Variants in HTT observed in about 807,000 individuals in gnomAD.
HTT encodes huntingtin, also known as huntington disease protein.
In HTT, 104 loss-of-function variants were observed where a neutral mutation model predicts 362.3. That is an observed-to-expected ratio of 0.29 (90% confidence interval 0.24 to 0.34). The LOEUF (loss-of-function observed/expected upper bound fraction) is 0.34. Among genes scored for constraint, HTT ranks in the 10% least tolerant of loss-of-function variants. The probability of loss-of-function intolerance (pLI) is 1.00; values close to 1 mark genes in which losing one functional copy is unlikely to be tolerated. For synonymous variants in HTT, 1,577 were observed against 1,548.7 expected (o/e 1.02, Z -0.43); for missense variants, 3,301 against 3,928.6 (o/e 0.84, Z 4.27).
chr4:3,190,122 T>C (rs1322610502), intron 40 of HTT, among the ~76,000 whole-genome samples: 2 of 152,040 alleles, frequency 1.3e-5, no homozygotes, highest in Non-Finnish European at 2.9e-5. Flanking sequence ...GGTAAAAGGA[T>C]CACTTGAAGC....
chr4:3,123,935 C>T (rs1715407764), intron 10 of HTT, among the ~76,000 whole-genome samples: 1 of 152,188 alleles, frequency 6.6e-6, no homozygotes, highest in Admixed American at 6.5e-5. Flanking sequence ...TCTTAAAAGA[C>T]TGATCCTTTT....
At chr4:3,154,791 C>A (rs996683271) in intron 27 of HTT, among the ~76,000 whole-genome samples, 1 of 152,210 alleles carries the variant, frequency 6.6e-6, no homozygotes, top group African/African-American at 2.4e-5. Flanking sequence ...AGTGAAAAAA[C>A]TGATTCTGAT....
rs573397591 is a variant in HTT, at chr4:3,214,095, C to T, written c.6912C>T (p.Ala2304=). Residue 2304 remains alanine, a synonymous_variant, in exon 50 of 67, where the codon GCC becomes GCT. Transcript: ENST00000355072. The part of the protein sequence containing the change: ...VVSSTEFVTH[A]CSLIYCVHFI... ...CCTCCACAGAGTTTGTGACCCACGC[C>T]TGCTCCCTCATCTACTGTGTGCACT... is the stretch of plus-strand genomic sequence containing the variant. 437 of 1,593,544 alleles carry T rather than the reference C, an allele frequency of 2.7e-4. 1 individual carries two copies. The South Asian group carries it at 3.9e-3, about 14-fold the overall frequency.
chr4:3,222,452 C>A lies in HTT; in HGVS notation c.7435C>A (p.Pro2479Thr), dbSNP rs1720721308. The change falls in exon 54 of 67, where the codon CCC (proline) becomes ACC (threonine). Residue 2479 changes from proline to threonine, a missense_variant. Pro to Thr is a conservative substitution (Grantham distance 38, BLOSUM62 -1). Coordinates refer to ENST00000355072, the MANE Select transcript of HTT (RefSeq NM_001388492.1). ...CCTCCTTGGTGTCCTGGTGACGCAG[C>A]CCCTCGTGATGGAGCAGGAGGAGAG... Reference protein sequence around the residue: ...ATLLGVLVTQPLVMEQEESPP... With the variant: ...ATLLGVLVTQTLVMEQEESPP... The A allele has an allele frequency of 1.9e-6, 3 of 1,614,030 alleles. No individual in the cohort carries two copies. Among genetic ancestry groups the A allele is most frequent in the Admixed American group, 3.3e-5 (2 of 60,016 alleles).
At chr4:3,188,463 G>T (rs190014336) in intron 39 of HTT, 11 of 165,464 alleles carry the variant, frequency 6.6e-5, no homozygotes, top group African/African-American at 2.4e-4. Context: ...AGTTAGAGCT[G>T]CTTCTGCAAA....
At chr4:3,172,772 TTCACA>T in intron 30 of HTT, 131 bp from the exon 31 acceptor site, 1 of 365,170 alleles carries the variant, frequency 2.7e-6, no homozygotes, top group African/African-American at 2.0e-5. Context: ...TTAATAGTGA[TTCACA>T]GGAAGAATTT....
chr4:3,107,055 T>G (rs189397613), intron 5 of HTT, among the ~76,000 whole-genome samples: 34 of 152,344 alleles, frequency 2.2e-4, no homozygotes, highest in African/African-American at 7.2e-4. Context: ...TGCAAATAAT[T>G]TTTAAACCCA....
At chr4:3,190,330 C>T (rs1308523145) in intron 40 of HTT, among the ~76,000 whole-genome samples, 5 of 146,404 alleles carry the variant, frequency 3.4e-5, no homozygotes, top group African/African-American at 1.0e-4. Context: ...CAGAATGATA[C>T]CCTGCCTCTT....
intron 51 of HTT, among the ~76,000 whole-genome samples, 186 bp downstream of exon 51, chr4:3,215,397 G>A (rs949343139): frequency 1.3e-5 from 2 of 152,156 alleles, no homozygotes; most frequent in African/African-American, 4.8e-5. Context: ...TTTTGTTTCC[G>A]AGTGAACACC....
rs112003588 is a variant in HTT, at chr4:3,158,541, T to A, written c.3753+1342T>A. Among the ~76,000 whole-genome samples the A allele has an allele frequency of 3.3e-3, 502 of 152,110 alleles. 5 individuals carry two copies. Among genetic ancestry groups the A allele is most frequent in the African/African-American group, 0.011 (477 of 41,514 alleles). ...GAAGCACATGAAATTTAAAGGATTT[T>A]AAAAAAAACTTAAAGATTATTTCAC... On this transcript the variant is annotated intron_variant, in intron 28 of 66. Transcript: ENST00000355072.
intron 59 of HTT, 142 bp from the exon 60 acceptor site, chr4:3,229,741 CCACA>C (rs1031636070): frequency 1.2e-6 from 1 of 861,594 alleles, no homozygotes; most frequent in South Asian, 1.5e-5. Flanking sequence ...CACGCATACA[CCACA>C]CACACACGCA....
intron 3 of HTT, 139 bp downstream of exon 3, chr4:3,099,533 G>A (rs1714037763): frequency 8.5e-7 from 1 of 1,172,644 alleles, no homozygotes; most frequent in East Asian, 2.6e-5. Context: ...TGGTTTGGAG[G>A]TGCTCTGTTG....
chr4:3,140,547 C>G lies in HTT; in HGVS notation c.2836C>G (p.Gln946Glu). The change falls in exon 22 of 67, where the codon CAA (glutamine) becomes GAA (glutamate). Residue 946 changes from glutamine (Q) to glutamate (E), a missense_variant. This residue lies in a region of HTT where 2,316 missense variants were observed against 2,658.5 expected (regional missense o/e 0.87). Coordinates refer to ENST00000355072, the MANE Select transcript of HTT (RefSeq NM_001388492.1). ...PKLFYKCDQG[Q>E]ADPVVAVARD... Reference sequence around the variant, plus strand: ...GCTGTTTTATAAATGTGACCAAGGACAAGCTGATCCAGTAGTGGCCGTGGC... The same window carrying G: ...GCTGTTTTATAAATGTGACCAAGGAGAAGCTGATCCAGTAGTGGCCGTGGC... 6.2e-7 allele frequency: 1 copy of G among 1,614,102 alleles called. No homozygotes were observed. The highest frequency in any genetic ancestry group is 1.3e-5 in the African/African-American group (1 of 75,026).
chr4:3,194,257 G>GT (rs1367213169), intron 40 of HTT, among the ~76,000 whole-genome samples: 1 of 152,102 alleles, frequency 6.6e-6, no homozygotes, highest in African/African-American at 2.4e-5. Context: ...TTGACTTTTT[G>GT]TTTCCTGCTT....
Position 3,082,174 on chromosome 4 carries a change from CTTA to C in HTT, c.264-4761_264-4759del, listed in dbSNP as rs111735291. On this transcript the variant is annotated intron_variant, in intron 1 of 66. Coordinates refer to ENST00000355072, the MANE Select transcript of HTT (RefSeq NM_001388492.1). Reference sequence around the variant, plus strand: ...TTGTTCCATAGCAGTACCTGTAATTCTTATTAATTGCTATGTAATATTTTAGAA... The same window carrying C: ...TTGTTCCATAGCAGTACCTGTAATTCTTAATTGCTATGTAATATTTTAGAA... 5.3e-4 allele frequency among the ~76,000 whole-genome samples: 80 copies of C among 152,230 alleles called. 2 individuals carry two copies. Among genetic ancestry groups the C allele is most frequent in the Middle Eastern group, 3.4e-3 (1 of 294 alleles).
At chr4:3,196,760 G>T (rs1189578291) in intron 40 of HTT, among the ~76,000 whole-genome samples, 1 of 151,292 alleles carries the variant, frequency 6.6e-6, no homozygotes, top group Non-Finnish European at 1.5e-5. Flanking sequence ...AAAATCCATT[G>T]CATACTTCAC....
intron 46 of HTT, 52 bp from the exon 47 acceptor site, chr4:3,209,775 T>G (rs1194682041): frequency 1.6e-5 from 25 of 1,603,618 alleles, no homozygotes; most frequent in Non-Finnish European, 4.3e-6. Flanking sequence ...GGATGTGAAG[T>G]CCCCTTGAAC....
chr4:3,129,824 G>A lies in HTT; in HGVS notation c.1744-100G>A. ...ACAGATGAGTACATTTGTGTTCTGTGTGTAAAATGTGCTCTTTCCTCATTG... is the reference window on the plus strand; with the variant it reads ...ACAGATGAGTACATTTGTGTTCTGTATGTAAAATGTGCTCTTTCCTCATTG... On this transcript the variant is annotated intron_variant, in intron 12 of 66. Transcript: ENST00000355072. 3 of 1,370,120 alleles carry A rather than the reference G, an allele frequency of 2.2e-6. No homozygotes were observed. The East Asian group carries it at 6.9e-5, about 31-fold the overall frequency. The allele number at this position is 1,370,120 out of a possible 1,614,324, so 84.9% of individuals were successfully genotyped here.
intron 42 of HTT, among the ~76,000 whole-genome samples, 191 bp downstream of exon 42, chr4:3,204,339 C>G (rs1428007699): frequency 6.6e-6 from 1 of 152,186 alleles, no homozygotes; most frequent in African/African-American, 2.4e-5. Flanking sequence ...CCTGGCCTTC[C>G]AGTCACTGGA....
Sources: allele counts gnomAD v4.1 joint callset (sites outside exome capture counted in the v4.1 genomes callset), GRCh38; gene constraint gnomAD v4.1.1; regional missense constraint gnomAD v4.1.1; transcripts MANE v1.5; gene names NCBI Gene and HGNC (gene_info 2026-07-23, HGNC 2026-07-21).